The following CTIF variants were observed in gnomAD, a reference collection of about 807,000 sequenced individuals.
CTIF encodes the protein cap binding complex dependent translation initiation factor, also known as CBP80/20-dependent translation initiation factor.
Under a neutral mutation model 66.0 loss-of-function variants are expected in CTIF, and 21 were observed. That is an observed-to-expected ratio of 0.32 (90% confidence interval 0.23 to 0.46). The LOEUF is 0.46. CTIF is among the 20% of genes least tolerant of loss of function. CTIF has a pLI of 1.00. For missense variants in CTIF, 739 were observed against 812.7 expected (o/e 0.91, Z 1.10); for synonymous variants, 345 against 326.4 (o/e 1.06, Z -0.62).
At chr18:48,584,950 G>A (rs1019340019) in intron 1 of CTIF, among the ~76,000 whole-genome samples, 7 of 152,240 alleles carry the variant, frequency 4.6e-5, no homozygotes, top group Non-Finnish European at 5.9e-5. Context: ...CCAGATCCAA[G>A]TAAAGGTGAT....
intron 3 of CTIF, among the ~76,000 whole-genome samples, chr18:48,651,918 T>C (rs904422155): frequency 6.6e-6 from 1 of 152,232 alleles, no homozygotes; most frequent in East Asian, 1.9e-4. Context: ...TTGAAACCAG[T>C]GAGAACAAAG....
chr18:48,839,504 T>C (rs530937952), intron 10 of CTIF, among the ~76,000 whole-genome samples: 1 of 152,282 alleles, frequency 6.6e-6, no homozygotes, highest in South Asian at 2.1e-4. Context: ...CCACATCCTC[T>C]TCTTTAATCC....
intron 1 of CTIF, among the ~76,000 whole-genome samples, chr18:48,594,076 G>T (rs1418311732): frequency 7.0e-6 from 1 of 142,728 alleles, no homozygotes; most frequent in Non-Finnish European, 1.5e-5. Context: ...CCTCCTATCT[G>T]CCCCCTTCCC....
chr18:48,638,611 C>T (rs1291766833), intron 3 of CTIF, among the ~76,000 whole-genome samples: 1 of 152,178 alleles, frequency 6.6e-6, no homozygotes, highest in East Asian at 1.9e-4. Flanking sequence ...GGGCTGGGGG[C>T]TTGTGGAGTG....
chr18:48,616,193 TGATAA>T (rs1311143499), intron 1 of CTIF, among the ~76,000 whole-genome samples: 6 of 152,230 alleles, frequency 3.9e-5, no homozygotes, highest in Admixed American at 2.0e-4. Flanking sequence ...AGGGAGCCCT[TGATAA>T]GATCTGACGT....
At chr18:48,637,601 C>T (rs299719) in intron 3 of CTIF, among the ~76,000 whole-genome samples, 38,742 of 152,016 alleles carry the variant, frequency 0.25, 5,661 homozygotes, top group African/African-American at 0.4. Context: ...TGTTCAGCTT[C>T]GGTCTCCTGG....
At chr18:48,773,551 C>T (rs566991536) in intron 9 of CTIF, among the ~76,000 whole-genome samples, 1 of 152,352 alleles carries the variant, frequency 6.6e-6, no homozygotes, top group African/African-American at 2.4e-5. Context: ...CCCCTTCCTT[C>T]AGTAAGTGCC....
chr18:48,748,032 C>T (rs1282433744), intron 7 of CTIF, among the ~76,000 whole-genome samples: 2 of 151,960 alleles, frequency 1.3e-5, no homozygotes, highest in African/African-American at 2.4e-5. Context: ...AGAAAGCAGC[C>T]CTTTCCACCA....
chr18:48,825,667 C>T (rs1466852156), intron 10 of CTIF, among the ~76,000 whole-genome samples: 5 of 152,170 alleles, frequency 3.3e-5, no homozygotes, highest in African/African-American at 9.7e-5. Flanking sequence ...AGCTACCCAG[C>T]AGAGGCCAGG....
chr18:48,697,437 G>A (rs1255531662), intron 6 of CTIF, among the ~76,000 whole-genome samples: 1 of 152,226 alleles, frequency 6.6e-6, no homozygotes, highest in Non-Finnish European at 1.5e-5. Flanking sequence ...TGCATGGCAG[G>A]GGCATTTGTG....
At chr18:48,858,175 A>T (rs185621387) in intron 11 of CTIF, among the ~76,000 whole-genome samples, 10 of 152,352 alleles carry the variant, frequency 6.6e-5, no homozygotes, top group Admixed American at 6.5e-4. Context: ...GATGGTCCAG[A>T]GTCACTCAGA....
intron 1 of CTIF, 129 bp from the exon 2 acceptor site, chr18:48,619,409 T>G: frequency 1.7e-6 from 1 of 582,660 alleles, no homozygotes; most frequent in Non-Finnish European, 2.8e-6. Context: ...CTTCTCAGGG[T>G]TGTTGGAAGA....
chr18:48,671,538 A>G (rs2091534771), intron 6 of CTIF, among the ~76,000 whole-genome samples: 1 of 152,126 alleles, frequency 6.6e-6, no homozygotes, highest in Non-Finnish European at 1.5e-5. Context: ...TTCTCTGTTC[A>G]TGCCTTGGGC....
At chr18:48,734,413 A>G (rs1301977205) in intron 7 of CTIF, among the ~76,000 whole-genome samples, 4 of 152,122 alleles carry the variant, frequency 2.6e-5, no homozygotes, top group African/African-American at 9.7e-5. Flanking sequence ...TAAAAATACA[A>G]AAATTAGCCG....
chr18:48,716,453 C>T (rs1451861914), intron 7 of CTIF, among the ~76,000 whole-genome samples: 7 of 152,148 alleles, frequency 4.6e-5, no homozygotes, highest in Non-Finnish European at 7.3e-5. Context: ...ATGAGAGGAG[C>T]GGTGCTTGCT....
chr18:48,805,844 C>T lies in CTIF; in HGVS notation c.1372-11377C>T, dbSNP rs114777113. ...CCCTACCCTTTGGACAGGTTGTCCT[C>T]TTAGAGAAGAGCTGTCTGACCACGT... On this transcript the variant is annotated intron_variant, in intron 9 of 11. Coordinates refer to ENST00000256413, the MANE Select transcript of CTIF (RefSeq NM_014772.3). Among the ~76,000 whole-genome samples, 63 of 152,380 alleles carry T rather than the reference C, an allele frequency of 4.1e-4. 1 individual carries two copies. The highest frequency in any genetic ancestry group is 1.4e-3 in the African/African-American group (58 of 41,592).
chr18:48,568,441 A>G (rs2143595002), intron 1 of CTIF: 1 of 152,134 alleles, frequency 6.6e-6, no homozygotes, highest in East Asian at 1.9e-4. Flanking sequence ...CAGGGCCCTG[A>G]CAGGCACTCC....
At chr18:48,618,349 A>T (rs1170518383) in intron 1 of CTIF, among the ~76,000 whole-genome samples, 1 of 152,180 alleles carries the variant, frequency 6.6e-6, no homozygotes, top group East Asian at 1.9e-4. Flanking sequence ...TGCAGGATTC[A>T]TGTCTTCTCT....
At chr18:48,741,428 T>C (rs1469868536) in intron 7 of CTIF, among the ~76,000 whole-genome samples, 1 of 148,932 alleles carries the variant, frequency 6.7e-6, no homozygotes, top group Non-Finnish European at 1.5e-5. Context: ...GGCTTTTTTT[T>C]TTTTTTTTTT....
Sources: allele counts gnomAD v4.1 joint callset (sites outside exome capture counted in the v4.1 genomes callset), GRCh38; gene constraint gnomAD v4.1.1; transcripts MANE v1.5; gene names NCBI Gene and HGNC (gene_info 2026-07-23, HGNC 2026-07-21).